The following LTN1 variants were observed in gnomAD, a reference collection of about 807,000 sequenced individuals.
LTN1 encodes listerin E3 ubiquitin protein ligase 1, also known as E3 ubiquitin-protein ligase listerin.
Under a neutral mutation model 201.2 loss-of-function variants are expected in LTN1, and 88 were observed. The ratio of observed to expected loss-of-function variants is 0.44; its 90% CI spans 0.37 to 0.52. LTN1 has a LOEUF of 0.52. Among genes scored for constraint, LTN1 ranks in the 20% least tolerant of loss-of-function variants. The pLI, the probability that LTN1 is intolerant of heterozygous loss-of-function variation, is 0.00. For synonymous variants in LTN1, 645 were observed against 713.5 expected, an observed-to-expected ratio of 0.90 and a Z score of 1.53; for missense variants, 1,752 against 2,038.7, an observed-to-expected ratio of 0.86 and a Z score of 2.71.
intron 17 of LTN1, 48 bp downstream of exon 17, chr21:28,953,169 A>G: frequency 7.0e-7 from 1 of 1,420,216 alleles, no homozygotes; most frequent in Admixed American, 2.5e-5. Flanking sequence ...GCAAAGCCAT[A>G]AAGAAGTAGC....
chr21:28,933,678 T>TC (rs1491222804), intron 27 of LTN1, among the ~76,000 whole-genome samples: 17 of 94,178 alleles, frequency 1.8e-4, no homozygotes, highest in South Asian at 7.8e-4. Context: ...TCTCTCTCTC[T>TC]TTTTTTTTTT....
chr21:28,932,412 T>C, intron 28 of LTN1, 58 bp downstream of exon 28: 1 of 1,371,856 alleles, frequency 7.3e-7, no homozygotes, highest in East Asian at 2.3e-5. Flanking sequence ...TTAAATGCCC[T>C]TTTAAATAGA....
intron 10 of LTN1, among the ~76,000 whole-genome samples, 171 bp from the exon 11 acceptor site, chr21:28,966,077 C>A (rs1278678451): frequency 6.6e-6 from 1 of 152,142 alleles, no homozygotes; most frequent in Non-Finnish European, 1.5e-5. Context: ...CCAGCTAAAA[C>A]TTTTAAAAAG....
rs1318315336 is a variant in LTN1, at chr21:28,953,240, G to A, written c.3216C>T (p.Gly1072=). 1.3e-6 allele frequency: 2 copies of A among 1,578,980 alleles called. No homozygotes were observed. Among genetic ancestry groups the A allele is most frequent in the Non-Finnish European group, 1.7e-6 (2 of 1,168,670 alleles). Residue 1072 remains glycine, a synonymous_variant, in exon 17 of 30, where the codon GGC becomes GGT. Transcript: ENST00000361371. The part of the protein sequence containing the change: ...DNLRVLGNTS[G]LLQLLFNRSR... Reference sequence around the variant, plus strand: ...ACCTGTTAAATAACAGCTGCAAAAGGCCCGACGTATTACCAAGTACACGTA... The same window carrying A: ...ACCTGTTAAATAACAGCTGCAAAAGACCCGACGTATTACCAAGTACACGTA...
chr21:28,944,673 G>T, intron 21 of LTN1, 77 bp from the exon 22 acceptor site: 1 of 992,806 alleles, frequency 1.0e-6, no homozygotes, highest in Non-Finnish European at 1.5e-6. Flanking sequence ...ATAAAGAAAA[G>T]CCCCACTTTC....
At chr21:28,935,796 CGCCACTGCACTCCGGCCT>C (rs2084251411) in intron 26 of LTN1, among the ~76,000 whole-genome samples, 2 of 148,918 alleles carry the variant, frequency 1.3e-5, no homozygotes, top group Non-Finnish European at 3.0e-5. Context: ...GCCGAGATCA[CGCCACTGCACTCCGGCCT>C]GGGCGACAGA....
At chr21:28,942,842 TATC>T (rs1176745680) in intron 24 of LTN1, among the ~76,000 whole-genome samples, 6 of 152,232 alleles carry the variant, frequency 3.9e-5, no homozygotes, top group Non-Finnish European at 8.8e-5. Flanking sequence ...TCTTAGCACT[TATC>T]ATATACTATA....
At position 28,958,458 on chromosome 21, in the gene LTN1, T is replaced by G. The variant is rs771554758; in HGVS notation, c.2675A>C (p.Glu892Ala). ...LVHQTDSSYKESTFLHLSALW... is the reference protein window; with the variant it reads ...LVHQTDSSYKASTFLHLSALW... Reference sequence around the variant, plus strand: ...AGCAGACAAATGTAGGAAGGTACTCTCTTTATATGAACTGTCAGTTTGATG... The same window carrying G: ...AGCAGACAAATGTAGGAAGGTACTCGCTTTATATGAACTGTCAGTTTGATG... The change falls in exon 14 of 30, where the codon GAG becomes GCG. Residue 892 changes from glutamate (E) to alanine (A), a missense_variant. Physicochemically the swap from Glu to Ala is moderately radical, Grantham distance 107. Coordinates refer to ENST00000361371, the MANE Select transcript of LTN1 (RefSeq NM_015565.3). 3.1e-6 allele frequency: 5 copies of G among 1,612,396 alleles called. No individual in the cohort carries two copies. In the African/African-American group the frequency reaches 4.0e-5, roughly 13 times the overall value.
intron 25 of LTN1, among the ~76,000 whole-genome samples, chr21:28,939,840 T>C (rs1031777670): frequency 6.6e-6 from 1 of 152,178 alleles, no homozygotes; most frequent in African/African-American, 2.4e-5. Flanking sequence ...TTGAAATATA[T>C]CATCAGCAAA....
intron 16 of LTN1, among the ~76,000 whole-genome samples, chr21:28,953,815 A>G (rs773012058): frequency 1.3e-5 from 2 of 152,184 alleles, no homozygotes; most frequent in Non-Finnish European, 1.5e-5. Context: ...ATTGGGGTGG[A>G]TTCAAATCTG....
intron 1 of LTN1, among the ~76,000 whole-genome samples, chr21:28,987,393 T>A (rs2146319431): frequency 6.6e-6 from 1 of 152,288 alleles, no homozygotes; most frequent in Admixed American, 6.5e-5. Flanking sequence ...ATAGAACCCA[T>A]CCTTTCATTC....
chr21:28,986,950 C>T lies in LTN1; in HGVS notation c.43-16G>A, dbSNP rs768693568. The T allele has an allele frequency of 7.5e-5, 120 of 1,599,636 alleles. No individual in the cohort carries two copies. The highest frequency in any genetic ancestry group is 1.7e-4 in the South Asian group (15 of 90,678). The stretch of plus-strand genomic sequence containing the variant: ...TGTTTGAAGGCTGATAAGAAAATTA[C>T]GGAGAAAAAAGTCAGAGTCCAGGAA... On this transcript the variant is annotated splice_polypyrimidine_tract_variant and intron_variant, in intron 1 of 29. Coordinates refer to ENST00000361371, the MANE Select transcript of LTN1 (RefSeq NM_015565.3). The surrounding 1 kb of genome is among the most constrained non-coding windows in gnomAD (Gnocchi z 4.1).
At chr21:28,971,476 A>G in intron 6 of LTN1, 32 bp from the exon 7 acceptor site, 3 of 1,594,844 alleles carry the variant, frequency 1.9e-6, no homozygotes, top group Non-Finnish European at 2.6e-6. Flanking sequence ...TTAAATTAAA[A>G]CCTAGTAAAA....
At chr21:28,957,288 C>T (rs1294480907) in intron 15 of LTN1, 44 bp downstream of exon 15, 1 of 1,495,368 alleles carries the variant, frequency 6.7e-7, no homozygotes, top group Non-Finnish European at 9.0e-7. Context: ...TGCATGAAAT[C>T]CAAACTTCAG....
At chr21:28,978,940 T>C (rs1404015547) in intron 6 of LTN1, among the ~76,000 whole-genome samples, 1 of 152,218 alleles carries the variant, frequency 6.6e-6, no homozygotes, top group Non-Finnish European at 1.5e-5. Context: ...ATTAGGCTGA[T>C]GAAAAATTAA....
At chr21:28,976,118 TA>T (rs11300900) in intron 6 of LTN1, among the ~76,000 whole-genome samples, 27,482 of 144,848 alleles carry the variant, frequency 0.19, 3,144 homozygotes, top group South Asian at 0.29. Context: ...GCATTTTGGG[TA>T]AAAAAAAAAA....
At chr21:28,951,970 AAAAT>A (rs1298370013) in intron 18 of LTN1, among the ~76,000 whole-genome samples, 186 bp downstream of exon 18, 10 of 152,168 alleles carry the variant, frequency 6.6e-5, no homozygotes, top group Non-Finnish European at 2.9e-5. Flanking sequence ...ACCCTGTCTC[AAAAT>A]AAATAAATAA....
At position 28,986,471 on chromosome 21, in the gene LTN1, G is replaced by A; in HGVS notation, c.247-234C>T. 1 of 670,334 alleles carries A rather than the reference G, an allele frequency of 1.5e-6. No homozygotes were observed. 41.5% of individuals were successfully genotyped at this position (670,334 alleles called of 1,614,324 possible). A position where few individuals can be genotyped will look rare whatever the true frequency, so the allele number is the denominator to read the frequency against. ...AAAAAAACCTCATTTAAAGTTACAA[G>A]GTCAAAGTTACATTCCCTAATGGGA... On this transcript the variant is annotated intron_variant, in intron 2 of 29. Coordinates refer to ENST00000361371, the MANE Select transcript of LTN1 (RefSeq NM_015565.3). This position sits in a 1 kb window ranked among gnomAD's most constrained non-coding sequence, Gnocchi z 4.1.
chr21:28,987,951 G>A (rs2084711273), intron 1 of LTN1, among the ~76,000 whole-genome samples: 2 of 151,708 alleles, frequency 1.3e-5, no homozygotes, highest in African/African-American at 2.4e-5. Flanking sequence ...AGACCAGCCT[G>A]GCCAACATGG....
Sources: gnomAD v4.1 joint callset for allele counts (sites outside exome capture counted in the v4.1 genomes callset) on GRCh38, gnomAD v4.1.1 for gene constraint, Gnocchi (gnomAD v3.1) non-coding constraint, MANE v1.5 for transcripts, NCBI Gene and HGNC (gene_info 2026-07-23, HGNC 2026-07-21) for gene names.